XPO4: variants seen among roughly 807,000 people sequenced by gnomAD.
The protein encoded by XPO4 is exportin 4.
Under a neutral mutation model 143.0 loss-of-function variants are expected in XPO4, and 39 were observed. The ratio of observed to expected loss-of-function variants is 0.27; its 90% CI spans 0.21 to 0.36. The LOEUF (loss-of-function observed/expected upper bound fraction) is 0.36, where lower values mean the gene tolerates loss of function less well. Among genes scored for constraint, XPO4 ranks in the 10% least tolerant of loss-of-function variants. The pLI is 1.00. For missense variants in XPO4, 907 were observed against 1,348.0 expected (o/e 0.67, Z 5.12); for synonymous variants, 439 against 474.0 (o/e 0.93, Z 0.96).
At chr13:20,815,859 C>G (rs1207957666) in intron 9 of XPO4, among the ~76,000 whole-genome samples, 5 of 152,106 alleles carry the variant, frequency 3.3e-5, no homozygotes, top group African/African-American at 1.2e-4. Context: ...CAAAAAAGTG[C>G]CCAAAACACT....
Position 20,778,203 on chromosome 13 carries a change from T to C in XPO4, c.*5519A>G, listed in dbSNP as rs970945709. The C allele has an allele frequency of 6.6e-6, 1 of 152,202 alleles. No homozygotes were observed. The highest frequency in any genetic ancestry group is 6.5e-5 in the Admixed American group (1 of 15,286). 9.4% of individuals were successfully genotyped at this position (152,202 alleles called of 1,614,324 possible). ...TCTCAAATGACAGATGATTAGCCTG[T>C]GTGTATGGCCCCACACTTGGTAATG... is the stretch of plus-strand genomic sequence containing the variant. On this transcript the variant is annotated 3_prime_UTR_variant, in exon 23 of 23. Coordinates refer to ENST00000255305, the MANE Select transcript of XPO4 (RefSeq NM_022459.5).
At position 20,856,495 on chromosome 13, in the gene XPO4, A is replaced by C. The variant is rs546818355; in HGVS notation, c.318-730T>G. 1.9e-3 allele frequency: 676 copies of C among 363,188 alleles called. 1 individual carries two copies. The highest frequency in any genetic ancestry group is 2.3e-3 in the Non-Finnish European group (604 of 261,360). The allele number at this position is 363,188 out of a possible 1,614,324, so 22.5% of individuals were successfully genotyped here. ...GATAAGGATCAGAAAACATAATCCC[A>C]AACTTTATAATCTAGCCTCTGGAAT... On this transcript the variant is annotated intron_variant, in intron 3 of 22. Coordinates refer to ENST00000255305, the MANE Select transcript of XPO4 (RefSeq NM_022459.5).
chr13:20,778,221 T>C lies in XPO4; in HGVS notation c.*5501A>G, dbSNP rs2059104804. Reference sequence around the variant, plus strand: ...TAGCCTGTGTGTATGGCCCCACACTTGGTAATGAAAGAAACAAAAATTCAA... The same window carrying C: ...TAGCCTGTGTGTATGGCCCCACACTCGGTAATGAAAGAAACAAAAATTCAA... On this transcript the variant is annotated 3_prime_UTR_variant, in exon 23 of 23. Transcript: ENST00000255305. 2 of 152,314 alleles carry C rather than the reference T, an allele frequency of 1.3e-5. No individual in the cohort carries two copies. Among genetic ancestry groups the C allele is most frequent in the Admixed American group, 6.5e-5 (1 of 15,304 alleles). The allele number at this position is 152,314 out of a possible 1,614,324, so 9.4% of individuals were successfully genotyped here. A position where few individuals can be genotyped will look rare whatever the true frequency, so the allele number is the denominator to read the frequency against.
At chr13:20,825,587 G>A (rs2059774376) in intron 7 of XPO4, among the ~76,000 whole-genome samples, 1 of 152,196 alleles carries the variant, frequency 6.6e-6, no homozygotes. Flanking sequence ...TGTCTAGACA[G>A]CTGTTCAGAT....
chr13:20,868,475 A>G, intron 2 of XPO4, 121 bp downstream of exon 2: 2 of 1,332,476 alleles, frequency 1.5e-6, no homozygotes, highest in Non-Finnish European at 9.8e-7. Flanking sequence ...TTATTAATTT[A>G]AATAATTGTA....
chr13:20,864,651 T>C (rs1200972249), intron 2 of XPO4, among the ~76,000 whole-genome samples: 1 of 152,190 alleles, frequency 6.6e-6, no homozygotes, highest in Non-Finnish European at 1.5e-5. Flanking sequence ...TTGTTAATGA[T>C]CACTGAAACA....
At chr13:20,850,620 C>T (rs2060075192) in intron 4 of XPO4, 1 of 236,872 alleles carries the variant, frequency 4.2e-6, no homozygotes, top group South Asian at 1.6e-4. Context: ...TTAAAATTAG[C>T]CAGGTACAGT....
At chr13:20,881,391 C>G (rs2060408345) in intron 1 of XPO4, among the ~76,000 whole-genome samples, 1 of 152,066 alleles carries the variant, frequency 6.6e-6, no homozygotes, top group South Asian at 2.1e-4. Flanking sequence ...GCCTCAGCTT[C>G]CCAAGCAGCT....
chr13:20,881,086 T>C (rs2060404971), intron 1 of XPO4, among the ~76,000 whole-genome samples: 2 of 151,822 alleles, frequency 1.3e-5, no homozygotes, highest in African/African-American at 4.8e-5. Flanking sequence ...TTATATAAGG[T>C]AGTTAAAATA....
chr13:20,877,246 T>G (rs1315338016), intron 1 of XPO4, among the ~76,000 whole-genome samples: 1 of 152,210 alleles, frequency 6.6e-6, no homozygotes, highest in Non-Finnish European at 1.5e-5. Flanking sequence ...TAGCAGAAAC[T>G]GACAACTATG....
Position 20,856,201 on chromosome 13 carries a change from G to C in XPO4, c.318-436C>G, listed in dbSNP as rs369277391. 11 of 406,010 alleles carry C rather than the reference G, an allele frequency of 2.7e-5. No individual in the cohort carries two copies. In the South Asian group the frequency reaches 5.2e-4, roughly 19 times the overall value. 25.2% of individuals were successfully genotyped at this position (406,010 alleles called of 1,614,324 possible). A position where few individuals can be genotyped will look rare whatever the true frequency, so the allele number is the denominator to read the frequency against. ...TTCCACTAGTCTGGAGATAAATTCT[G>C]ATCTAACCTACGTCTACAACTACTA... On this transcript the variant is annotated intron_variant, in intron 3 of 22. Coordinates refer to ENST00000255305, the MANE Select transcript of XPO4 (RefSeq NM_022459.5).
chr13:20,810,459 G>A (rs1236310936), intron 9 of XPO4, among the ~76,000 whole-genome samples: 4 of 152,224 alleles, frequency 2.6e-5, no homozygotes, highest in East Asian at 1.9e-4. Context: ...AATGTAATAC[G>A]CGTTGACTCA....
At chr13:20,896,383 C>G (rs993606673) in intron 1 of XPO4, among the ~76,000 whole-genome samples, 32 of 152,256 alleles carry the variant, frequency 2.1e-4, no homozygotes, top group Non-Finnish European at 3.7e-4. Context: ...AGGAGCATAG[C>G]CTTCATTTAA....
intron 6 of XPO4, among the ~76,000 whole-genome samples, chr13:20,840,378 T>C (rs2059962577): frequency 6.6e-6 from 1 of 151,896 alleles, no homozygotes; most frequent in Non-Finnish European, 1.5e-5. Context: ...AGCTAATATT[T>C]GTATTTTTTT....
At chr13:20,793,932 C>A (rs768382914) in intron 18 of XPO4, among the ~76,000 whole-genome samples, 7 of 152,144 alleles carry the variant, frequency 4.6e-5, no homozygotes, top group Non-Finnish European at 1.0e-4. Flanking sequence ...GATCCTCCAT[C>A]TAGAGTCCAG....
At chr13:20,859,110 CTGTT>C (rs1296481603) in intron 3 of XPO4, among the ~76,000 whole-genome samples, 4 of 149,206 alleles carry the variant, frequency 2.7e-5, no homozygotes, top group African/African-American at 7.4e-5. Flanking sequence ...GGCAGGAGGA[CTGTT>C]TGAGCTCAGG....
At chr13:20,891,904 G>A (rs1006730257) in intron 1 of XPO4, among the ~76,000 whole-genome samples, 1 of 151,566 alleles carries the variant, frequency 6.6e-6, no homozygotes, top group Non-Finnish European at 1.5e-5. Context: ...TGTTGCCCAG[G>A]CTTGAACTTC....
chr13:20,778,286 T>C lies in XPO4; in HGVS notation c.*5436A>G, dbSNP rs749876801. The stretch of plus-strand genomic sequence containing the variant: ...GGTTTTCTTAAACAACTTTTCTTTA[T>C]CCACCTTTGGAGTGGAATAAATCTC... On this transcript the variant is annotated 3_prime_UTR_variant, in exon 23 of 23. Transcript: ENST00000255305. 1.3e-5 allele frequency: 2 copies of C among 152,204 alleles called. No individual in the cohort carries two copies. The highest frequency in any genetic ancestry group is 2.9e-5 in the Non-Finnish European group (2 of 68,032). The allele number at this position is 152,204 out of a possible 1,614,324, so 9.4% of individuals were successfully genotyped here. A position where few individuals can be genotyped will look rare whatever the true frequency, so the allele number is the denominator to read the frequency against.
intron 1 of XPO4, among the ~76,000 whole-genome samples, chr13:20,897,995 C>A (rs549690540): frequency 4.6e-5 from 7 of 152,144 alleles, no homozygotes; most frequent in Non-Finnish European, 1.0e-4. Context: ...TCAGGTGATC[C>A]ACCTACTTTG....
Sources: allele counts gnomAD v4.1 joint callset (sites outside exome capture counted in the v4.1 genomes callset), GRCh38; gene constraint gnomAD v4.1.1; transcripts MANE v1.5; gene names NCBI Gene and HGNC (gene_info 2026-07-23, HGNC 2026-07-21).